The following HIBCH variants were observed in gnomAD, a reference collection of about 807,000 sequenced individuals.
The protein encoded by HIBCH is 3-hydroxyisobutyryl-CoA hydrolase, mitochondrial.
HIBCH carries 50 observed loss-of-function variants against 58.2 expected under a neutral mutation model. That is an observed-to-expected ratio of 0.86 (90% CI 0.68 to 1.09). HIBCH has a LOEUF of 1.09. HIBCH is among the 50% of genes least tolerant of loss of function. The probability of loss-of-function intolerance (pLI) is 0.00; values close to 1 mark genes in which losing one functional copy is unlikely to be tolerated. For synonymous variants in HIBCH, 151 were observed against 146.9 expected, an observed-to-expected ratio of 1.03 and a Z score of -0.20; for missense variants, 450 against 449.7, an observed-to-expected ratio of 1.00 and a Z score of -0.01.
intron 1 of HIBCH, among the ~76,000 whole-genome samples, chr2:190,198,482 A>G (rs1690081300): frequency 6.6e-6 from 1 of 151,840 alleles, no homozygotes; most frequent in Non-Finnish European, 1.5e-5. Flanking sequence ...CTCTACAAAA[A>G]CTTAGGTAGG....
chr2:190,283,415 T>A lies in HIBCH; in HGVS notation c.438+4171A>T, dbSNP rs111712965. On this transcript the variant is annotated intron_variant, in intron 6 of 13. Coordinates refer to ENST00000359678, the MANE Select transcript of HIBCH (RefSeq NM_014362.4). ...GAATGACACAGCAGCACGGGCCATGTGCATCAGGAATAAGAACTCCTTTGC... is the reference window on the plus strand; with the variant it reads ...GAATGACACAGCAGCACGGGCCATGAGCATCAGGAATAAGAACTCCTTTGC... Among the ~76,000 whole-genome samples the A allele has an allele frequency of 5.6e-3, 859 of 152,290 alleles. 5 individuals carry two copies. The highest frequency in any genetic ancestry group is 0.02 in the African/African-American group (815 of 41,566).
Position 190,304,590 on chromosome 2 carries a change from C to T in HIBCH, c.78+6164G>A, listed in dbSNP as rs547964817. ...TTAAATTTCGAAATGAGTTTTGGAG[C>T]GGGCAAATATTCAAACCACGAAACC... On this transcript the variant is annotated intron_variant, in intron 2 of 13. Transcript: ENST00000359678. This position sits in a 1 kb window ranked among gnomAD's most constrained non-coding sequence, Gnocchi z 4.1. Among the ~76,000 whole-genome samples the T allele has an allele frequency of 2.6e-5, 4 of 152,210 alleles. No individual in the cohort carries two copies. In the South Asian group the frequency reaches 6.2e-4, roughly 24 times the overall value.
chr2:190,219,702 T>G (rs1468280340), intron 11 of HIBCH, among the ~76,000 whole-genome samples: 1 of 152,150 alleles, frequency 6.6e-6, no homozygotes. Flanking sequence ...CCTACAATAC[T>G]CAGCCTATAA....
chr2:190,192,018 A>G (rs1171581767), intron 1 of HIBCH, among the ~76,000 whole-genome samples: 1 of 151,496 alleles, frequency 6.6e-6, no homozygotes, highest in Non-Finnish European at 1.5e-5. Flanking sequence ...TTTTGGTATC[A>G]CATCTAAGAA....
At chr2:190,220,247 T>A (rs1344617147) in intron 11 of HIBCH, 2 of 152,208 alleles carry the variant, frequency 1.3e-5, no homozygotes, top group African/African-American at 4.8e-5. Context: ...CAGATACTTT[T>A]CAAGTTTATT....
At chr2:190,218,971 TCAAA>T (rs1685640353) in intron 11 of HIBCH, among the ~76,000 whole-genome samples, 1 of 152,138 alleles carries the variant, frequency 6.6e-6, no homozygotes, top group South Asian at 2.1e-4. Flanking sequence ...TACTGGTAAG[TCAAA>T]CAAAGGCAAC....
chr2:190,207,152 A>G lies in HIBCH; in HGVS notation c.1045+1728T>C, dbSNP rs1189174968. Among the ~76,000 whole-genome samples, 1 of 152,154 alleles carries G rather than the reference A, an allele frequency of 6.6e-6. No individual in the cohort carries two copies. The highest frequency in any genetic ancestry group is 2.4e-5 in the African/African-American group (1 of 41,440). Reference sequence around the variant, plus strand: ...ACAAAACAAAACAAAAAAAAGTCGTATAATAAGCACTTCCTTTATGAATCA... The same window carrying G: ...ACAAAACAAAACAAAAAAAAGTCGTGTAATAAGCACTTCCTTTATGAATCA... On this transcript the variant is annotated intron_variant, in intron 13 of 13. Coordinates refer to ENST00000359678, the MANE Select transcript of HIBCH (RefSeq NM_014362.4). The surrounding 1 kb of genome is among the most constrained non-coding windows in gnomAD (Gnocchi z 4.5).
At chr2:190,293,865 C>G (rs1559056975) in intron 4 of HIBCH, among the ~76,000 whole-genome samples, 1 of 151,758 alleles carries the variant, frequency 6.6e-6, no homozygotes, top group East Asian at 1.9e-4. Flanking sequence ...ATGCTGAGAA[C>G]AGACATTTCT....
At chr2:190,308,069 C>T (rs1032915215) in intron 2 of HIBCH, among the ~76,000 whole-genome samples, 4 of 152,146 alleles carry the variant, frequency 2.6e-5, no homozygotes, top group African/African-American at 9.7e-5. Flanking sequence ...AGAAGAATTG[C>T]TTGGGATACA....
chr2:190,213,894 G>T (rs1314879768), intron 11 of HIBCH: 1 of 152,128 alleles, frequency 6.6e-6, no homozygotes, highest in East Asian at 1.9e-4. Flanking sequence ...AACTGTGCCG[G>T]GTGTGCCTGC....
intron 7 of HIBCH, among the ~76,000 whole-genome samples, chr2:190,257,819 C>G (rs1575729852): frequency 6.6e-6 from 1 of 152,094 alleles, no homozygotes; most frequent in South Asian, 2.1e-4. Context: ...ATCCCTGTAT[C>G]GGGAACTAAC....
chr2:190,314,994 C>G (rs557117752), intron 1 of HIBCH, among the ~76,000 whole-genome samples: 3 of 152,016 alleles, frequency 2.0e-5, no homozygotes, highest in African/African-American at 7.2e-5. Flanking sequence ...GTCGCCCAGG[C>G]TGGAGTGCAG....
intron 7 of HIBCH, among the ~76,000 whole-genome samples, chr2:190,256,431 GCTC>G: frequency 6.9e-6 from 1 of 144,466 alleles, no homozygotes. Flanking sequence ...TTGGACCACT[GCTC>G]CAATTCTGCA....
At chr2:190,316,696 T>C (rs954509484) in intron 1 of HIBCH, among the ~76,000 whole-genome samples, 1 of 152,202 alleles carries the variant, frequency 6.6e-6, no homozygotes. Flanking sequence ...CATCTTTCAA[T>C]GCTTCCTTCT....
At chr2:190,269,820 C>T (rs1687340488) in intron 6 of HIBCH, among the ~76,000 whole-genome samples, 1 of 152,136 alleles carries the variant, frequency 6.6e-6, no homozygotes, top group South Asian at 2.1e-4. Context: ...TTGGAACCAA[C>T]CCAGATGCAC....
intron 9 of HIBCH, among the ~76,000 whole-genome samples, chr2:190,248,526 C>A (rs1490344419): frequency 6.6e-6 from 1 of 152,130 alleles, no homozygotes; most frequent in Non-Finnish European, 1.5e-5. Context: ...ATCTACTCTT[C>A]TGCCAGGCTA....
intron 11 of HIBCH, among the ~76,000 whole-genome samples, chr2:190,224,687 G>A (rs189829807): frequency 1.1e-4 from 17 of 152,226 alleles, no homozygotes; most frequent in South Asian, 4.2e-4. Context: ...ATAATAATGG[G>A]AGACTTCAAC....
At chr2:190,271,156 G>C (rs1687386386) in intron 6 of HIBCH, among the ~76,000 whole-genome samples, 1 of 151,494 alleles carries the variant, frequency 6.6e-6, no homozygotes, top group Admixed American at 6.6e-5. Context: ...GCCCAGCCTA[G>C]ACACCTGAAA....
intron 11 of HIBCH, among the ~76,000 whole-genome samples, chr2:190,230,317 A>C (rs780341689): frequency 2.0e-5 from 3 of 152,248 alleles, no homozygotes; most frequent in Non-Finnish European, 4.4e-5. Flanking sequence ...GTAGTAAAAA[A>C]GGAATCATTA....
Sources: gnomAD v4.1 joint callset for allele counts (sites outside exome capture counted in the v4.1 genomes callset) on GRCh38, gnomAD v4.1.1 for gene constraint, Gnocchi (gnomAD v3.1) non-coding constraint, MANE v1.5 for transcripts, NCBI Gene and HGNC (gene_info 2026-07-23, HGNC 2026-07-21) for gene names.